Variants in KIF3C observed in about 807,000 individuals in gnomAD.
The protein encoded by KIF3C is kinesin-like protein KIF3C.
In KIF3C, 12 loss-of-function variants were observed where a neutral mutation model predicts 67.7. That is an observed-to-expected ratio of 0.18 (90% CI 0.11 to 0.29). The LOEUF is 0.29. KIF3C is among the 10% of genes least tolerant of loss of function. The pLI is 1.00. For missense variants in KIF3C, 789 were observed against 1,059.6 expected (o/e 0.74, Z 3.55); for synonymous variants, 393 against 426.2 (o/e 0.92, Z 0.96).
At chr2:25,965,635 T>C (rs368601819) in intron 1 of KIF3C, among the ~76,000 whole-genome samples, 108 of 151,798 alleles carry the variant, frequency 7.1e-4, no homozygotes, top group African/African-American at 2.5e-3. Flanking sequence ...TTTAGAGATC[T>C]CTATCCTTAA....
rs1663774010 is a variant in KIF3C, at chr2:25,955,137, G to A, written c.1770+404C>T. ...TATTCTCATCCCTTGACATGTCCTTGAGGGCCTTACACTCCCCACCTGAGC... is the reference window on the plus strand; with the variant it reads ...TATTCTCATCCCTTGACATGTCCTTAAGGGCCTTACACTCCCCACCTGAGC... On this transcript the variant is annotated intron_variant, in intron 3 of 7. Transcript: ENST00000264712. This position sits in a 1 kb window ranked among gnomAD's most constrained non-coding sequence, Gnocchi z 5.0. 6.6e-6 allele frequency among the ~76,000 whole-genome samples: 1 copy of A among 152,016 alleles called. No homozygotes were observed. Among genetic ancestry groups the A allele is most frequent in the African/African-American group, 2.4e-5 (1 of 41,378 alleles).
In KIF3C at chr2:25,975,190, C is replaced by T. The variant is rs533726452; in HGVS notation, c.1545+5183G>A. 1.6e-3 allele frequency among the ~76,000 whole-genome samples: 248 copies of T among 152,134 alleles called. 1 individual carries two copies. Among genetic ancestry groups the T allele is most frequent in the African/African-American group, 5.8e-3 (240 of 41,476 alleles). ...TTTCTTTCCTTTTTAAGACAGGGTT[C>T]CTCTCTGTCACACAGGCTGGAGTGC... On this transcript the variant is annotated intron_variant, in intron 1 of 7. Coordinates refer to ENST00000264712, the MANE Select transcript of KIF3C (RefSeq NM_002254.8).
Position 25,968,124 on chromosome 2 carries a change from G to A in KIF3C, c.1546-11680C>T, listed in dbSNP as rs1664190793. ...TGAGGAGTCAGCAGTAAGGGAAGAAGAAATGAAAGAGACAATGGGGAGGGG... is the reference window on the plus strand; with the variant it reads ...TGAGGAGTCAGCAGTAAGGGAAGAAAAAATGAAAGAGACAATGGGGAGGGG... On this transcript the variant is annotated intron_variant, in intron 1 of 7. Coordinates refer to ENST00000264712, the MANE Select transcript of KIF3C (RefSeq NM_002254.8). 2.6e-5 allele frequency among the ~76,000 whole-genome samples: 4 copies of A among 152,150 alleles called. No individual in the cohort carries two copies. The South Asian group carries it at 8.3e-4, about 32-fold the overall frequency.
At position 25,928,138 on chromosome 2, in the gene KIF3C, G is replaced by T. The variant is rs2090427055; in HGVS notation, c.*840C>A. ...AGGCAGGAGCAGCCTCTTGAAAATGGGGAGTTGCCTTGAGAGCCTGTCGAC... is the reference window on the plus strand; with the variant it reads ...AGGCAGGAGCAGCCTCTTGAAAATGTGGAGTTGCCTTGAGAGCCTGTCGAC... On this transcript the variant is annotated 3_prime_UTR_variant, in exon 8 of 8. Coordinates refer to ENST00000264712, the MANE Select transcript of KIF3C (RefSeq NM_002254.8). 1 of 152,494 alleles carries T rather than the reference G, an allele frequency of 6.6e-6. No individual in the cohort carries two copies. Among genetic ancestry groups the T allele is most frequent in the South Asian group, 2.1e-4 (1 of 4,816 alleles). The allele number at this position is 152,494 out of a possible 1,614,324, so 9.4% of individuals were successfully genotyped here. A position where few individuals can be genotyped will look rare whatever the true frequency, so the allele number is the denominator to read the frequency against.
At chr2:25,949,057 T>C (rs1467386512) in intron 5 of KIF3C, among the ~76,000 whole-genome samples, 2 of 152,190 alleles carry the variant, frequency 1.3e-5, no homozygotes, top group Non-Finnish European at 2.9e-5. Flanking sequence ...ATTGCCTATA[T>C]AATAATATTG....
intron 5 of KIF3C, among the ~76,000 whole-genome samples, chr2:25,935,924 CA>C (rs761356982): frequency 1.4e-3 from 193 of 136,180 alleles, no homozygotes; most frequent in Admixed American, 1.8e-3. Flanking sequence ...AAAAAAAATA[CA>C]AAAAAAAAAA....
chr2:25,955,395 T>A lies in KIF3C; in HGVS notation c.1770+146A>T. 17 of 753,956 alleles carry A rather than the reference T, an allele frequency of 2.3e-5. No homozygotes were observed. The highest frequency in any genetic ancestry group is 1.3e-4 in the East Asian group (4 of 31,700). The allele number at this position is 753,956 out of a possible 1,614,324, so 46.7% of individuals were successfully genotyped here. On this transcript the variant is annotated intron_variant, in intron 3 of 7. Transcript: ENST00000264712. The surrounding 1 kb of genome is among the most constrained non-coding windows in gnomAD (Gnocchi z 5.0). ...CCAGCCCCCGCCTCCTGCCTCCCCCTGTTGCTCACCCCCGAGGCCAAGCCA... is the reference window on the plus strand; with the variant it reads ...CCAGCCCCCGCCTCCTGCCTCCCCCAGTTGCTCACCCCCGAGGCCAAGCCA...
intron 3 of KIF3C, 22 bp from the exon 4 acceptor site, chr2:25,954,407 T>A: frequency 6.3e-7 from 1 of 1,579,992 alleles, no homozygotes; most frequent in Non-Finnish European, 8.7e-7. Context: ...CAGGTGCCAC[T>A]CAGAGGCTGC....
chr2:25,939,124 C>G (rs556494312), intron 5 of KIF3C, among the ~76,000 whole-genome samples: 1 of 152,258 alleles, frequency 6.6e-6, no homozygotes, highest in African/African-American at 2.4e-5. Context: ...ACAGCCATCA[C>G]ATCTAGCTAA....
chr2:25,952,459 A>T (rs1663641821), intron 4 of KIF3C, among the ~76,000 whole-genome samples: 2 of 152,120 alleles, frequency 1.3e-5, no homozygotes, highest in South Asian at 4.1e-4. Context: ...AATTAGAAAA[A>T]TGAATAAATA....
At chr2:25,973,553 CAAAAA>C (rs5829988) in intron 1 of KIF3C, among the ~76,000 whole-genome samples, 1 of 106,840 alleles carries the variant, frequency 9.4e-6, no homozygotes. Flanking sequence ...GACTCTGTCT[CAAAAA>C]AAAAAAAAAA....
At chr2:25,929,171 C>T in intron 7 of KIF3C, 100 bp from the exon 8 acceptor site, 5 of 1,386,266 alleles carry the variant, frequency 3.6e-6, no homozygotes, top group Non-Finnish European at 5.1e-6. Context: ...TGCAGGAATC[C>T]TTCTGACATC....
chr2:25,950,831 G>A (rs1218421025), intron 5 of KIF3C, among the ~76,000 whole-genome samples: 2 of 151,144 alleles, frequency 1.3e-5, no homozygotes, highest in East Asian at 3.9e-4. Flanking sequence ...AAACTTATGT[G>A]GTATCACCTT....
chr2:25,937,881 C>A (rs1240118408), intron 5 of KIF3C, among the ~76,000 whole-genome samples: 1 of 151,174 alleles, frequency 6.6e-6, no homozygotes, highest in African/African-American at 2.4e-5. Context: ...ATGGTGAAAC[C>A]CGGACTCTAC....
At chr2:25,933,892 G>A (rs2090483140) in intron 5 of KIF3C, 1 of 268,586 alleles carries the variant, frequency 3.7e-6, no homozygotes, top group African/African-American at 2.3e-5. Flanking sequence ...TTGAAAACAT[G>A]TATTCATATG....
intron 4 of KIF3C, among the ~76,000 whole-genome samples, chr2:25,953,709 C>G (rs554147786): frequency 5.9e-4 from 83 of 139,784 alleles, no homozygotes; most frequent in African/African-American, 1.6e-3. Context: ...CTCGCTCTGT[C>G]GCCCAGGCTG....
intron 5 of KIF3C, among the ~76,000 whole-genome samples, chr2:25,939,965 A>G (rs1663241745): frequency 6.6e-6 from 1 of 151,986 alleles, no homozygotes; most frequent in Admixed American, 6.6e-5. Context: ...AATAAAAATG[A>G]AAATAAATAA....
At position 25,980,670 on chromosome 2, in the gene KIF3C, G is replaced by A. The variant is rs556048791; in HGVS notation, c.1248C>T (p.Ser416=). 18 of 1,614,012 alleles carry A rather than the reference G, an allele frequency of 1.1e-5. No individual in the cohort carries two copies. The highest frequency in any genetic ancestry group is 6.7e-5 in the African/African-American group (5 of 75,006). The change falls in exon 1 of 8, where the codon TCC becomes TCT. Residue 416 remains serine, a synonymous_variant. Coordinates refer to ENST00000264712, the MANE Select transcript of KIF3C (RefSeq NM_002254.8). The surrounding 1 kb of genome is among the most constrained non-coding windows in gnomAD (Gnocchi z 7.6). The stretch of plus-strand genomic sequence containing the variant: ...GGCCCTCAGGGTACCCAGGCGGGGC[G>A]GACACGGCCTTCTTCCTGCGGCTGC... ...RKSSRRKKAV[S]APPGYPEGPV... is the part of the protein sequence containing the mutation.
chr2:25,931,084 A>C lies in KIF3C; in HGVS notation c.2007-1021T>G, dbSNP rs1388343440. ...GTACCCACAACAATTTAAAAAAATT[A>C]ATAAAATTTAAAATAAACCTCATAG... On this transcript the variant is annotated intron_variant, in intron 5 of 7. Coordinates refer to ENST00000264712, the MANE Select transcript of KIF3C (RefSeq NM_002254.8). 3.3e-5 allele frequency among the ~76,000 whole-genome samples: 5 copies of C among 152,204 alleles called. No homozygotes were observed. In the East Asian group the frequency reaches 9.6e-4, roughly 29 times the overall value.
Sources: allele counts gnomAD v4.1 joint callset (sites outside exome capture counted in the v4.1 genomes callset), GRCh38; gene constraint gnomAD v4.1.1; non-coding constraint Gnocchi (gnomAD v3.1); transcripts MANE v1.5; gene names NCBI Gene and HGNC (gene_info 2026-07-23, HGNC 2026-07-21).